The following MBNL1 variants were observed in gnomAD, a reference collection of about 807,000 sequenced individuals.
MBNL1 encodes the protein muscleblind like splicing regulator 1, also known as muscleblind-like protein 1.
Under a neutral mutation model 42.2 loss-of-function variants are expected in MBNL1, and 8 were observed. The observed-to-expected ratio is 0.19, with a 90% confidence interval of 0.11 to 0.34. The LOEUF is 0.34. Among genes scored for constraint, MBNL1 ranks in the 10% least tolerant of loss-of-function variants. MBNL1 has a pLI of 1.00. For missense variants in MBNL1, 309 were observed against 495.3 expected, an observed-to-expected ratio of 0.62 and a Z score of 3.57; for synonymous variants, 169 against 173.9, an observed-to-expected ratio of 0.97 and a Z score of 0.22.
intron 2 of MBNL1, among the ~76,000 whole-genome samples, chr3:152,310,296 T>C (rs2065601942): frequency 6.6e-6 from 1 of 152,224 alleles, no homozygotes; most frequent in Non-Finnish European, 1.5e-5. Flanking sequence ...TTTATTCCCC[T>C]GATTTGATCC....
At chr3:152,447,845 C>T in intron 6 of MBNL1, 72 bp downstream of exon 6, 1 of 1,400,826 alleles carries the variant, frequency 7.1e-7, no homozygotes, top group Non-Finnish European at 9.8e-7. Flanking sequence ...GCAGATAAAC[C>T]ACACCCCAAG....
intron 2 of MBNL1, among the ~76,000 whole-genome samples, chr3:152,245,439 G>T (rs1485095559): frequency 6.6e-6 from 1 of 152,090 alleles, no homozygotes; most frequent in East Asian, 1.9e-4. Context: ...TTGCCTCTGA[G>T]CATTTTCATA....
chr3:152,288,883 T>C (rs936545281), intron 1 of MBNL1, among the ~76,000 whole-genome samples: 1 of 152,200 alleles, frequency 6.6e-6, no homozygotes, highest in African/African-American at 2.4e-5. Flanking sequence ...TTAGCTGCTA[T>C]ATGAGGGCTA....
At chr3:152,364,216 G>A (rs1002515346) in intron 2 of MBNL1, among the ~76,000 whole-genome samples, 2 of 152,006 alleles carry the variant, frequency 1.3e-5, no homozygotes, top group African/African-American at 4.8e-5. Context: ...TCAAGAAATA[G>A]CATCTTTATT....
intron 2 of MBNL1, among the ~76,000 whole-genome samples, chr3:152,362,284 G>T (rs1482233311): frequency 2.6e-5 from 4 of 152,152 alleles, no homozygotes; most frequent in African/African-American, 9.7e-5. Flanking sequence ...ACTGCCGCGC[G>T]GATCCACTGG....
rs1285120291 is a variant in MBNL1, at chr3:152,258,710, A to C, written n.333+14270A>C. 8.5e-5 allele frequency among the ~76,000 whole-genome samples: 13 copies of C among 152,366 alleles called. 1 individual carries two copies. The East Asian group carries it at 1.5e-3, about 18-fold the overall frequency. The stretch of plus-strand genomic sequence containing the variant: ...AGTGTTTTCCTTTTAGTCACTGAGT[A>C]ATCTAGTCATAAACAAAACAGATTT... On this transcript the variant is annotated intron_variant and non_coding_transcript_variant, in intron 2 of 2. Transcript: ENST00000477171.
intron 2 of MBNL1, among the ~76,000 whole-genome samples, chr3:152,399,481 C>A (rs1335528887): frequency 6.6e-6 from 1 of 151,908 alleles, no homozygotes; most frequent in Non-Finnish European, 1.5e-5. Flanking sequence ...TGTTATTATT[C>A]TAAGAAAAAC....
chr3:152,388,169 T>C (rs1366353283), intron 2 of MBNL1, among the ~76,000 whole-genome samples: 1 of 152,136 alleles, frequency 6.6e-6, no homozygotes, highest in Non-Finnish European at 1.5e-5. Flanking sequence ...TTTTGGTCCT[T>C]GGGAGGAAAT....
intron 2 of MBNL1, among the ~76,000 whole-genome samples, chr3:152,313,189 AT>A (rs1179287713): frequency 2.6e-5 from 4 of 151,168 alleles, no homozygotes; most frequent in Admixed American, 2.0e-4. Context: ...CACCTGGCTG[AT>A]TTTTTTTTAT....
chr3:152,280,753 G>A (rs2047957223), intron 1 of MBNL1, among the ~76,000 whole-genome samples: 1 of 152,136 alleles, frequency 6.6e-6, no homozygotes. Flanking sequence ...TCCAGACTTT[G>A]AAATGGTGAA....
At chr3:152,260,876 G>A (rs1238676755) in intron 2 of MBNL1, among the ~76,000 whole-genome samples, 2 of 152,158 alleles carry the variant, frequency 1.3e-5, no homozygotes, top group African/African-American at 4.8e-5. Flanking sequence ...TGCACCACCA[G>A]TTTAGCTATC....
Position 152,462,623 on chromosome 3 carries a change from A to T in MBNL1, c.*257A>T, listed in dbSNP as rs750665560. On this transcript the variant is annotated 3_prime_UTR_variant, in exon 10 of 10. Coordinates refer to ENST00000324210, the MANE Select transcript of MBNL1 (RefSeq NM_021038.5). ...TGAGGTGATATTCCTGTCTAAAAGA[A>T]CAACATTGTCTTTCTTTTCTAGCAC... The T allele has an allele frequency of 4.6e-5, 7 of 152,190 alleles. No individual in the cohort carries two copies. Among genetic ancestry groups the T allele is most frequent in the Non-Finnish European group, 7.4e-5 (5 of 68,016 alleles). The allele number at this position is 152,190 out of a possible 1,614,324, so 9.4% of individuals were successfully genotyped here. A position where few individuals can be genotyped will look rare whatever the true frequency, so the allele number is the denominator to read the frequency against.
chr3:152,319,876 T>C (rs34134223), intron 2 of MBNL1, among the ~76,000 whole-genome samples: 2 of 152,080 alleles, frequency 1.3e-5, no homozygotes, highest in East Asian at 3.8e-4. Context: ...TCTTTCTTTG[T>C]GCTCTTACTC....
intron 2 of MBNL1, among the ~76,000 whole-genome samples, chr3:152,315,876 TCTCTCTCTCTCA>T (rs1377480618): frequency 1.3e-5 from 2 of 151,400 alleles, no homozygotes; most frequent in African/African-American, 4.9e-5. Context: ...ACTCTCTCTC[TCTCTCTCTCTCA>T]CTCCTCTCTC....
At chr3:152,442,368 A>G (rs111491798) in intron 4 of MBNL1, among the ~76,000 whole-genome samples, 1,637 of 152,322 alleles carry the variant, frequency 0.011, 28 homozygotes, top group African/African-American at 0.038. Context: ...GTTGAGCATA[A>G]AAGATCACCA....
At chr3:152,284,737 T>C (rs912245021) in intron 1 of MBNL1, among the ~76,000 whole-genome samples, 1 of 152,134 alleles carries the variant, frequency 6.6e-6, no homozygotes, top group Non-Finnish European at 1.5e-5. Flanking sequence ...ACATCAGTTT[T>C]ATACTTTTAA....
chr3:152,449,760 C>G (rs1346989881), intron 6 of MBNL1, among the ~76,000 whole-genome samples: 1 of 152,096 alleles, frequency 6.6e-6, no homozygotes, highest in Non-Finnish European at 1.5e-5. Context: ...GATATATTTG[C>G]ATTTATTATG....
chr3:152,356,728 G>A (rs574433799), intron 2 of MBNL1, among the ~76,000 whole-genome samples: 30 of 152,124 alleles, frequency 2.0e-4, no homozygotes, highest in African/African-American at 5.8e-4. Context: ...GTGAGACCTC[G>A]GCCTCCCAAA....
At chr3:152,276,828 G>C (rs1356064762) in intron 1 of MBNL1, among the ~76,000 whole-genome samples, 1 of 152,132 alleles carries the variant, frequency 6.6e-6, no homozygotes, top group Non-Finnish European at 1.5e-5. Flanking sequence ...ACATTTTATA[G>C]GGGTAGGACA....
Sources: gnomAD v4.1 joint callset for allele counts (sites outside exome capture counted in the v4.1 genomes callset) on GRCh38, gnomAD v4.1.1 for gene constraint, MANE v1.5 for transcripts, NCBI Gene and HGNC (gene_info 2026-07-23, HGNC 2026-07-21) for gene names.